Variants in FBXL18 observed in about 807,000 individuals in gnomAD.
FBXL18 encodes the protein F-box/LRR-repeat protein 18.
FBXL18 carries 36 observed loss-of-function variants against 46.0 expected under a neutral mutation model. That is an observed-to-expected ratio of 0.78 (90% CI 0.60 to 1.03). The LOEUF is 1.03. FBXL18 is among the 50% of genes least tolerant of loss of function. FBXL18 has a pLI of 0.00. For synonymous variants in FBXL18, 557 were observed against 465.3 expected, an observed-to-expected ratio of 1.20 and a Z score of -2.54; for missense variants, 977 against 1,004.1, an observed-to-expected ratio of 0.97 and a Z score of 0.36.
intron 4 of FBXL18, among the ~76,000 whole-genome samples, chr7:5,485,767 T>C (rs1365683947): frequency 6.6e-6 from 1 of 151,518 alleles, no homozygotes; most frequent in Non-Finnish European, 1.5e-5. Flanking sequence ...ATTAGCCGGG[T>C]GTGGCCGGGC....
chr7:5,463,728 A>ATTTATTTATTTTTTTTTTT (rs1562672288), intron 4 of FBXL18, among the ~76,000 whole-genome samples: 3 of 53,034 alleles, frequency 5.7e-5, no homozygotes, highest in African/African-American at 8.0e-5. Context: ...TTATTTATTT[A>ATTTATTTATTTTTTTTTTT]TTTTTTTTTT....
At chr7:5,507,646 C>T (rs1401573181) in intron 1 of FBXL18, among the ~76,000 whole-genome samples, 1 of 151,556 alleles carries the variant, frequency 6.6e-6, no homozygotes, top group African/African-American at 2.4e-5. Context: ...CCAGCCTGGC[C>T]AACATGGTGA....
intron 2 of FBXL18, among the ~76,000 whole-genome samples, chr7:5,504,447 G>A (rs1784343395): frequency 6.8e-6 from 1 of 146,186 alleles, no homozygotes; most frequent in African/African-American, 2.5e-5. Flanking sequence ...TGGGATTACA[G>A]GCTCCCACCA....
At position 5,468,332 on chromosome 7, in the gene FBXL18, T is replaced by C. The variant is rs143516068; in HGVS notation, c.2001-20489A>G. Among the ~76,000 whole-genome samples the C allele has an allele frequency of 6.6e-3, 1,007 of 152,180 alleles. 16 individuals carry two copies. Among genetic ancestry groups the C allele is most frequent in the African/African-American group, 0.023 (955 of 41,514 alleles). ...CGGGATTTCACTGTGTCAGCCAGGATGGCCTCGATCTCCTGACCTCATGAT... is the reference window on the plus strand; with the variant it reads ...CGGGATTTCACTGTGTCAGCCAGGACGGCCTCGATCTCCTGACCTCATGAT... On this transcript the variant is annotated intron_variant and NMD_transcript_variant, in intron 4 of 6. Transcript: ENST00000415009.
In FBXL18 at chr7:5,481,857, C is replaced by T. The variant is rs1353544443; in HGVS notation, c.2075G>A (p.Arg692Gln). Residue 692 changes from arginine to glutamine, a missense_variant, in exon 5 of 5, where the codon CGG (arginine) becomes CAG (glutamine). By Grantham distance (43) the Arg-to-Gln change is conservative (BLOSUM62 1). Coordinates refer to ENST00000382368, the MANE Select transcript of FBXL18 (RefSeq NM_024963.6). Reference sequence around the variant, plus strand: ...ATCCAGGTGCACCAGGGGGACGTCCCGGATGACGTCGGTCAGGCCCTCGTG... The same window carrying T: ...ATCCAGGTGCACCAGGGGGACGTCCTGGATGACGTCGGTCAGGCCCTCGTG... ...LLHEGLTDVI[R>Q]DVPLVHLDEI... is the part of the protein sequence containing the mutation. The T allele has an allele frequency of 1.2e-6, 2 of 1,613,850 alleles. No homozygotes were observed. Among genetic ancestry groups the T allele is most frequent in the Non-Finnish European group, 1.7e-6 (2 of 1,179,962 alleles).
chr7:5,500,347 G>A (rs571469273), intron 3 of FBXL18, 141 bp downstream of exon 3: 2 of 725,840 alleles, frequency 2.8e-6, no homozygotes, highest in African/African-American at 1.8e-5. Flanking sequence ...AGAGCCCCGA[G>A]ACCGACGTGG....
At chr7:5,495,952 G>A (rs775996931) in intron 3 of FBXL18, 17 of 463,606 alleles carry the variant, frequency 3.7e-5, no homozygotes, top group Non-Finnish European at 6.3e-5. Flanking sequence ...GAGCAGGGTC[G>A]GTCTCTCAGG....
intron 3 of FBXL18, among the ~76,000 whole-genome samples, chr7:5,494,873 A>G (rs1274204753): frequency 6.6e-6 from 1 of 151,938 alleles, no homozygotes; most frequent in Non-Finnish European, 1.5e-5. Flanking sequence ...CAGAGCGTGG[A>G]AAAAAAACCT....
At position 5,501,748 on chromosome 7, in the gene FBXL18, C is replaced by G. The variant is rs754107171; in HGVS notation, c.521G>C (p.Arg174Pro). 6.4e-7 allele frequency: 1 copy of G among 1,561,010 alleles called. No homozygotes were observed. Among genetic ancestry groups the G allele is most frequent in the Non-Finnish European group, 8.7e-7 (1 of 1,152,166 alleles). The change falls in exon 3 of 5, where the codon CGG becomes CCG. Residue 174 changes from arginine to proline, a missense_variant. Transcript: ENST00000382368. The stretch of plus-strand genomic sequence containing the variant: ...AGTGAACAGCGTCTGCTTGAGCTCC[C>G]GCACGCGGCTCAGGGTGGCCTTGCA... ...SECKATLSRV[R>P]ELKQTLFTPS...
chr7:5,508,194 A>G (rs1490344251), intron 1 of FBXL18, among the ~76,000 whole-genome samples: 2 of 151,728 alleles, frequency 1.3e-5, no homozygotes, highest in African/African-American at 4.8e-5. Context: ...TGAAACCGGG[A>G]TGTGGAGGTT....
intron 4 of FBXL18, among the ~76,000 whole-genome samples, chr7:5,460,425 C>G (rs1263721349): frequency 2.0e-5 from 3 of 152,148 alleles, no homozygotes; most frequent in Non-Finnish European, 4.4e-5. Context: ...CTTCCTCCCC[C>G]TCCCTCAAAT....
rs1783628322 is a variant in FBXL18 at position 5,480,920 on chromosome 7, C to T, written c.*855G>A. On this transcript the variant is annotated 3_prime_UTR_variant, in exon 5 of 5. Coordinates refer to ENST00000382368, the MANE Select transcript of FBXL18 (RefSeq NM_024963.6). ...AAATGGGGTCATGTGATTGCTACTC[C>T]AGCCTTAAGAATCCTTTCTGGGTTT... The T allele has an allele frequency of 6.6e-6, 1 of 151,974 alleles. No individual in the cohort carries two copies. Among genetic ancestry groups the T allele is most frequent in the Admixed American group, 6.6e-5 (1 of 15,220 alleles). 9.4% of individuals were successfully genotyped at this position (151,974 alleles called of 1,614,324 possible). A position where few individuals can be genotyped will look rare whatever the true frequency, so the allele number is the denominator to read the frequency against.
intron 3 of FBXL18, among the ~76,000 whole-genome samples, chr7:5,498,381 C>T (rs10280413): frequency 3.8e-4 from 58 of 152,302 alleles, no homozygotes; most frequent in African/African-American, 1.3e-3. Flanking sequence ...CCACGGCGCC[C>T]GGCCGAGGCC....
At chr7:5,474,738 C>T (rs1447317781), downstream of FBXL18, among the ~76,000 whole-genome samples, 3 of 148,714 alleles carry the variant, frequency 2.0e-5, no homozygotes, top group Non-Finnish European at 4.4e-5. Context: ...GACAGAGTCT[C>T]GCTCTGTCAC....
intron 4 of FBXL18, among the ~76,000 whole-genome samples, chr7:5,483,396 G>A (rs1277209269): frequency 6.0e-5 from 9 of 150,594 alleles, no homozygotes; most frequent in African/African-American, 1.5e-4. Flanking sequence ...AGCCGAGATC[G>A]TGCCACTGCA....
At chr7:5,462,843 C>T (rs1313506768) in intron 4 of FBXL18, among the ~76,000 whole-genome samples, 4 of 147,854 alleles carry the variant, frequency 2.7e-5, no homozygotes, top group Non-Finnish European at 4.5e-5. Flanking sequence ...CCCAGCTACT[C>T]GGGAGGCTGA....
At position 5,500,561 on chromosome 7, in the gene FBXL18, T is replaced by C. The variant is rs761263648; in HGVS notation, c.1708A>G (p.Met570Val). Residue 570 changes from methionine (M) to valine (V), a missense_variant, in exon 3 of 5, where the codon ATG (methionine) becomes GTG (valine). Met to Val is a conservative substitution (Grantham distance 21). Transcript: ENST00000382368. ...LRSLSLANLG[M>V]MGKVVYMPAL... ...GGCATGTACACCACCTTCCCCATCA[T>C]GCCCAGGTTGGCCAGCGACAGGGAC... The C allele has an allele frequency of 8.7e-6, 14 of 1,613,550 alleles. No individual in the cohort carries two copies. Among genetic ancestry groups the C allele is most frequent in the African/African-American group, 1.3e-5 (1 of 75,038 alleles).
chr7:5,480,549 T>TATATATATATATATATAA lies in FBXL18; in HGVS notation c.*1225_*1226insTTATATATATATATATAT, dbSNP rs1491478537. ...TTGAATATATATATATATATATATA[T>TATATATATATATATATAA]TTTTTTTTTTTTTTTTTTTTTTTTT... On this transcript the variant is annotated 3_prime_UTR_variant, in exon 5 of 5. Transcript: ENST00000382368. The TATATATATATATATATAA allele has an allele frequency of 3.5e-5, 1 of 28,650 alleles. No homozygotes were observed. Among genetic ancestry groups the TATATATATATATATATAA allele is most frequent in the African/African-American group, 1.4e-4 (1 of 6,940 alleles). The allele number at this position is 28,650 out of a possible 1,614,324, so 1.8% of individuals were successfully genotyped here. A position where few individuals can be genotyped will look rare whatever the true frequency, so the allele number is the denominator to read the frequency against.
chr7:5,471,574 C>G (rs1368663389), downstream of FBXL18, among the ~76,000 whole-genome samples: 1 of 149,310 alleles, frequency 6.7e-6, no homozygotes, highest in East Asian at 2.0e-4. Flanking sequence ...TCACGCCCGG[C>G]TAATTTTTTG....
Sources: allele counts gnomAD v4.1 joint callset (sites outside exome capture counted in the v4.1 genomes callset), GRCh38; gene constraint gnomAD v4.1.1; transcripts MANE v1.5; gene names NCBI Gene and HGNC (gene_info 2026-07-23, HGNC 2026-07-21).